PHLDA1: variants seen among roughly 807,000 people sequenced by gnomAD.
PHLDA1 encodes pleckstrin homology like domain family A member 1, also known as pleckstrin homology-like domain family A member 1.
In PHLDA1, 28 loss-of-function variants were observed where a neutral mutation model predicts 33.8. The ratio of observed to expected loss-of-function variants is 0.83; its 90% CI spans 0.61 to 1.14. The LOEUF (loss-of-function observed/expected upper bound fraction) is 1.14, where lower values mean the gene tolerates loss of function less well. PHLDA1 is among the 50% of genes most tolerant of loss of function. The pLI, the probability that PHLDA1 is intolerant of heterozygous loss-of-function variation, is 0.00. For synonymous variants in PHLDA1, 271 were observed against 243.6 expected (o/e 1.11, Z -1.05); for missense variants, 595 against 548.6 (o/e 1.08, Z -0.84).
At position 76,031,420 on chromosome 12, in the gene PHLDA1, G is replaced by A. The variant is rs1233150807; in HGVS notation, c.322C>T (p.Arg108Cys). 2 of 1,557,444 alleles carry A rather than the reference G, an allele frequency of 1.3e-6. No homozygotes were observed. The highest frequency in any genetic ancestry group is 1.9e-5 in the Admixed American group (1 of 51,606). ...AGCCTCGCGCCGTCCTCGCCCCAGC[G>A]GCTCCCACGGCCGCCTGCCCGGAGC... Residue 108 changes from arginine (R) to cysteine (C), a missense_variant, in exon 1 of 2, where the codon CGC becomes TGC. By Grantham distance (180) the Arg-to-Cys change is radical. This residue lies in a region of PHLDA1 where 263 missense variants were observed against 232.3 expected (regional missense o/e 1.13). Coordinates refer to ENST00000266671, the Ensembl canonical transcript of PHLDA1. This position sits in a 1 kb window ranked among gnomAD's most constrained non-coding sequence, Gnocchi z 5.4.
At chr12:76,029,157 C>T (rs1476118045) in exon 2 of PHLDA1, 3 of 152,186 alleles carry the variant, frequency 2.0e-5, no homozygotes, top group Non-Finnish European at 4.4e-5. Context: ...GCAAAGCTCT[C>T]GAAGAAAGGT....
exon 1 of PHLDA1, chr12:76,030,861 G>C (rs1284872408): frequency 4.4e-6 from 7 of 1,607,546 alleles, no homozygotes; most frequent in Admixed American, 1.7e-5. Flanking sequence ...CTGCCGCGTG[G>C]ATTTGACCGC....
Position 76,031,035 on chromosome 12 carries a change from T to G in PHLDA1, c.707A>C (p.Asn236Thr), listed in dbSNP as rs1370881924. The G allele has an allele frequency of 6.2e-7, 1 of 1,612,376 alleles. No individual in the cohort carries two copies. Among genetic ancestry groups the G allele is most frequent in the Non-Finnish European group, 8.5e-7 (1 of 1,179,956 alleles). Residue 236 changes from asparagine to threonine, a missense_variant, in exon 1 of 2, where the codon AAC becomes ACC. Physicochemically the swap from Asn to Thr is moderately conservative, Grantham distance 65. Transcript: ENST00000266671. The surrounding 1 kb of genome is among the most constrained non-coding windows in gnomAD (Gnocchi z 5.4). ...CTCCACACAGTCCACGGTCTTCATG[T>G]TGGAGAAGTGCAGTTCCTTGAGCTT...
rs761785155 is a variant in PHLDA1 at position 76,027,761 on chromosome 12, CAA to C, written c.*2356_*2357del. 837 of 106,550 alleles carry C rather than the reference CAA, an allele frequency of 7.9e-3. 10 individuals are homozygous for C. Among genetic ancestry groups the C allele is most frequent in the African/African-American group, 0.032 (767 of 23,910 alleles). 6.6% of individuals were successfully genotyped at this position (106,550 alleles called of 1,614,324 possible). On this transcript the variant is annotated 3_prime_UTR_variant, in exon 2 of 2. Coordinates refer to ENST00000266671, the Ensembl canonical transcript of PHLDA1. ...TGGGTCACAGGGCGAGACTCCATCT[CAA>C]AAAAAAAAAAAAAAAAAGAAACCAT...
rs766047249 is a variant in PHLDA1 at position 76,031,287 on chromosome 12, T to C, written c.455A>G (p.Lys152Arg). 2 of 1,613,642 alleles carry C rather than the reference T, an allele frequency of 1.2e-6. No individual in the cohort carries two copies. Among genetic ancestry groups the C allele is most frequent in the Admixed American group, 3.3e-5 (2 of 60,004 alleles). The change falls in exon 1 of 2, where the codon AAG (lysine) becomes AGG (arginine). Residue 152 changes from lysine to arginine, a missense_variant. Physicochemically the swap from Lys to Arg is conservative, Grantham distance 26. Transcript: ENST00000266671. The surrounding 1 kb of genome is among the most constrained non-coding windows in gnomAD (Gnocchi z 5.4). ...GCTGCGCTTCTCCAGCACGCCCTCC[T>C]TCAGCGCTTTGCAGCCGCTACTCTC...
In PHLDA1 at chr12:76,031,646, C is replaced by A; in HGVS notation, c.96G>T (p.Arg32=). The A allele has an allele frequency of 6.5e-7, 1 of 1,540,160 alleles. No homozygotes were observed. Among genetic ancestry groups the A allele is most frequent in the Non-Finnish European group, 8.7e-7 (1 of 1,144,442 alleles). ...TTTGAATGGGCCATCTTCCCCACCC[C>A]CGAGTGACACCCAGCGGAAAAGGCG... The change falls in exon 1 of 2, where the codon CGG becomes CGT. Residue 32 remains arginine, a synonymous_variant. Transcript: ENST00000266671. This position sits in a 1 kb window ranked among gnomAD's most constrained non-coding sequence, Gnocchi z 5.4.
At chr12:76,028,486 C>T (rs1870823955) in exon 2 of PHLDA1, 1 of 152,158 alleles carries the variant, frequency 6.6e-6, no homozygotes, top group African/African-American at 2.4e-5. Context: ...GACCTTGGAA[C>T]TCCTTTCTAG....
At chr12:76,029,816 A>C (rs375967581) in exon 2 of PHLDA1, 2 of 152,800 alleles carry the variant, frequency 1.3e-5, no homozygotes, top group African/African-American at 4.8e-5. Flanking sequence ...TCATAAATCA[A>C]AATACATTAA....
chr12:76,029,597 G>A (rs950771706), exon 2 of PHLDA1: 1 of 152,460 alleles, frequency 6.6e-6, no homozygotes, highest in Non-Finnish European at 1.5e-5. Context: ...TCAACCAGCT[G>A]GCACAACAAT....
At position 76,031,684 on chromosome 12, in the gene PHLDA1, C is replaced by T; in HGVS notation, c.58G>A (p.Gly20Arg). Residue 20 changes from glycine (G) to arginine (R), a missense_variant, in exon 1 of 2, where the codon GGG becomes AGG. Around this residue, in one of 3 missense-constraint regions of PHLDA1, gnomAD observed 263 missense variants for 232.3 expected, o/e 1.13. Coordinates refer to ENST00000266671, the Ensembl canonical transcript of PHLDA1. This position sits in a 1 kb window ranked among gnomAD's most constrained non-coding sequence, Gnocchi z 5.4. ...AGCGGAAAAGGCGGCTCCTGGCGCCCGCACCGCGGGGGAAAGCCCAGCTCC... is the reference window on the plus strand; with the variant it reads ...AGCGGAAAAGGCGGCTCCTGGCGCCTGCACCGCGGGGGAAAGCCCAGCTCC... 1.4e-6 allele frequency: 2 copies of T among 1,468,240 alleles called. No homozygotes were observed. The highest frequency in any genetic ancestry group is 1.8e-6 in the Non-Finnish European group (2 of 1,108,828). 91.0% of individuals were successfully genotyped at this position (1,468,240 alleles called of 1,614,324 possible).
In PHLDA1 at chr12:76,026,284, G is replaced by A. The variant is rs188626801; in HGVS notation, c.*3835C>T. The stretch of plus-strand genomic sequence containing the variant: ...TCGTAGGATTCTGTGCTATAAAATT[G>A]CTCCAGGTTCAAGTCTTAGACCACT... On this transcript the variant is annotated 3_prime_UTR_variant, in exon 2 of 2. Coordinates refer to ENST00000266671, the Ensembl canonical transcript of PHLDA1. 2.6e-5 allele frequency: 4 copies of A among 152,304 alleles called. No individual in the cohort carries two copies. The East Asian group carries it at 7.7e-4, about 29-fold the overall frequency. The allele number at this position is 152,304 out of a possible 1,614,324, so 9.4% of individuals were successfully genotyped here. A position where few individuals can be genotyped will look rare whatever the true frequency, so the allele number is the denominator to read the frequency against.
Sources: allele counts gnomAD v4.1 joint callset, GRCh38; gene constraint gnomAD v4.1.1; regional missense constraint gnomAD v4.1.1; non-coding constraint Gnocchi (gnomAD v3.1); transcripts MANE v1.5; gene names NCBI Gene and HGNC (gene_info 2026-07-23, HGNC 2026-07-21).